Variants in APAF1 observed in about 807,000 individuals in gnomAD.
APAF1 encodes the protein apoptotic protease-activating factor 1.
A neutral mutation model predicts 152.4 loss-of-function variants in APAF1; 91 were observed. That is an observed-to-expected ratio of 0.60 (90% CI 0.50 to 0.71). The LOEUF is 0.71. Ranked by LOEUF, APAF1 falls within the 30% of genes least tolerant of loss-of-function variation. The pLI is 0.00. For synonymous variants in APAF1, 484 were observed against 494.1 expected, an observed-to-expected ratio of 0.98 and a Z score of 0.27; for missense variants, 1,283 against 1,472.0, an observed-to-expected ratio of 0.87 and a Z score of 2.10.
intron 24 of APAF1, among the ~76,000 whole-genome samples, chr12:98,724,038 GA>G (rs1436416640): frequency 6.6e-6 from 1 of 152,148 alleles, no homozygotes; most frequent in Non-Finnish European, 1.5e-5. Context: ...AAAAATCATT[GA>G]AAAGCATTTA....
intron 12 of APAF1, among the ~76,000 whole-genome samples, chr12:98,672,097 C>T (rs552120645): frequency 1.3e-5 from 2 of 152,284 alleles, no homozygotes; most frequent in South Asian, 2.1e-4. Flanking sequence ...AGGTTTTTCT[C>T]TCATATGTAA....
chr12:98,662,895 C>T (rs1377133409), intron 7 of APAF1, 89 bp downstream of exon 7: 1 of 1,334,154 alleles, frequency 7.5e-7, no homozygotes, highest in Non-Finnish European at 1.0e-6. Flanking sequence ...GGTAATTTAG[C>T]ACATGAACAT....
rs969905643 is a variant in APAF1, at chr12:98,677,311, T to A, written c.1794-114T>A. ...TGTTAGTAATCTGATTTTAAGAATTTTGTATTTTGGGGAACATAACCATGT... is the reference window on the plus strand; with the variant it reads ...TGTTAGTAATCTGATTTTAAGAATTATGTATTTTGGGGAACATAACCATGT... On this transcript the variant is annotated intron_variant, in intron 12 of 26. Transcript: ENST00000551964. 2.7e-6 allele frequency: 3 copies of A among 1,095,676 alleles called. No homozygotes were observed. The African/African-American group carries it at 4.8e-5, about 17-fold the overall frequency. The allele number at this position is 1,095,676 out of a possible 1,614,324, so 67.9% of individuals were successfully genotyped here.
chr12:98,691,266 G>T (rs1422468038), intron 16 of APAF1, among the ~76,000 whole-genome samples: 6 of 151,550 alleles, frequency 4.0e-5, no homozygotes, highest in Non-Finnish European at 5.9e-5. Context: ...TTCTTTTCCT[G>T]GCACCTTGTT....
rs141328519 is a variant in APAF1 at position 98,710,634 on chromosome 12, C to T, written c.2842-1685C>T. Among the ~76,000 whole-genome samples the T allele has an allele frequency of 3.9e-3, 593 of 152,162 alleles. 3 individuals carry two copies. Among genetic ancestry groups the T allele is most frequent in the Middle Eastern group, 0.01 (3 of 294 alleles). Reference sequence around the variant, plus strand: ...TGGGGGCATCTCACTATGTTGACCACGCTGGTCTTGAACTCCTGGCCTCAA... The same window carrying T: ...TGGGGGCATCTCACTATGTTGACCATGCTGGTCTTGAACTCCTGGCCTCAA... On this transcript the variant is annotated intron_variant, in intron 20 of 26. Transcript: ENST00000551964.
At chr12:98,723,076 TTA>T in intron 22 of APAF1, 115 bp from the exon 23 acceptor site, 1 of 1,058,760 alleles carries the variant, frequency 9.4e-7, no homozygotes, top group Non-Finnish European at 1.5e-6. Flanking sequence ...CCTCTCTGTT[TTA>T]CTGAAATGCC....
chr12:98,693,583 G>A (rs894458109), intron 16 of APAF1, among the ~76,000 whole-genome samples: 3 of 151,890 alleles, frequency 2.0e-5, no homozygotes, highest in African/African-American at 7.3e-5. Context: ...ACTCTCTCTT[G>A]TTAATTTGCT....
At chr12:98,721,763 G>C (rs1237112795) in intron 22 of APAF1, among the ~76,000 whole-genome samples, 2 of 152,170 alleles carry the variant, frequency 1.3e-5, no homozygotes, top group Admixed American at 1.3e-4. Flanking sequence ...GAAAGCCAGG[G>C]CTTGTTGGGG....
intron 20 of APAF1, 23 bp downstream of exon 20, chr12:98,708,727 T>C (rs761053474): frequency 1.2e-5 from 20 of 1,609,380 alleles, no homozygotes; most frequent in Admixed American, 5.0e-5. Flanking sequence ...TAGAAAACAA[T>C]TGGAAAATTG....
At chr12:98,665,489 G>A in intron 7 of APAF1, 64 bp from the exon 8 acceptor site, 1 of 1,113,198 alleles carries the variant, frequency 9.0e-7, no homozygotes, top group Non-Finnish European at 1.4e-6. Context: ...AAGTAAGTAA[G>A]TCGATTCTTA....
intron 22 of APAF1, 78 bp downstream of exon 22, chr12:98,715,630 G>T (rs942174044): frequency 3.9e-6 from 6 of 1,538,856 alleles, no homozygotes; most frequent in Non-Finnish European, 5.4e-6. Flanking sequence ...CTAAAATCTG[G>T]TGTATATTTT....
At chr12:98,655,138 G>T (rs2153309967) in intron 4 of APAF1, among the ~76,000 whole-genome samples, 1 of 109,078 alleles carries the variant, frequency 9.2e-6, no homozygotes, top group South Asian at 3.5e-4. Context: ...GAGAGCACAG[G>T]GTTGGGGGTA....
At chr12:98,722,805 G>C (rs1409928192) in intron 22 of APAF1, among the ~76,000 whole-genome samples, 1 of 152,142 alleles carries the variant, frequency 6.6e-6, no homozygotes, top group Non-Finnish European at 1.5e-5. Flanking sequence ...AGGATCTGTA[G>C]ACTTCCCCAG....
chr12:98,673,743 A>C (rs1193828395), intron 12 of APAF1, among the ~76,000 whole-genome samples: 3 of 152,234 alleles, frequency 2.0e-5, no homozygotes, highest in African/African-American at 7.2e-5. Context: ...TACTGTGCTA[A>C]GCACTGTTAC....
chr12:98,690,597 T>C (rs1408763348), intron 16 of APAF1, among the ~76,000 whole-genome samples: 1 of 152,184 alleles, frequency 6.6e-6, no homozygotes, highest in East Asian at 1.9e-4. Context: ...TATTATTAGG[T>C]TGCCAAATGT....
At position 98,671,683 on chromosome 12, in the gene APAF1, A is replaced by G. The variant is rs2097680310; in HGVS notation, c.1757A>G (p.Gln586Arg). 1 of 1,614,002 alleles carries G rather than the reference A, an allele frequency of 6.2e-7. No homozygotes were observed. Among genetic ancestry groups the G allele is most frequent in the Non-Finnish European group, 8.5e-7 (1 of 1,180,022 alleles). The change falls in exon 12 of 27, where the codon CAG becomes CGG. Residue 586 changes from glutamine (Q) to arginine (R), a missense_variant. Physicochemically the swap from Gln to Arg is conservative, Grantham distance 43. Coordinates refer to ENST00000551964, the MANE Select transcript of APAF1 (RefSeq NM_181861.2). Reference protein sequence around the residue: ...VYQQAKLQAKQEVDNGMLYLE... With the variant: ...VYQQAKLQAKREVDNGMLYLE... ...CAGCAAGCTAAGCTGCAGGCCAAGC[A>G]GGAGGTCGATAATGGAATGCTTTAC...
At chr12:98,650,725 T>G (rs867353226) in intron 4 of APAF1, among the ~76,000 whole-genome samples, 4 of 152,116 alleles carry the variant, frequency 2.6e-5, no homozygotes, top group Middle Eastern at 3.2e-3. Context: ...GTTTTTCCCC[T>G]CTATCATTAC....
chr12:98,705,244 A>G lies in APAF1; in HGVS notation c.2596-1241A>G, dbSNP rs1018128320. 1.4e-4 allele frequency among the ~76,000 whole-genome samples: 22 copies of G among 152,330 alleles called. No homozygotes were observed. The East Asian group carries it at 4.1e-3, about 28-fold the overall frequency. On this transcript the variant is annotated intron_variant, in intron 18 of 26. Transcript: ENST00000551964. ...AATCTCCAGGAAACAATGAAAGAGTATCTTCCTTCTTGAAATGTAGGGACT... is the reference window on the plus strand; with the variant it reads ...AATCTCCAGGAAACAATGAAAGAGTGTCTTCCTTCTTGAAATGTAGGGACT...
intron 24 of APAF1, among the ~76,000 whole-genome samples, chr12:98,724,231 T>TA (rs2097747122): frequency 6.6e-6 from 1 of 152,228 alleles, no homozygotes; most frequent in South Asian, 2.1e-4. Flanking sequence ...GTCAGGGCTG[T>TA]ATCCTGTCTT....
Sources: allele counts gnomAD v4.1 joint callset (sites outside exome capture counted in the v4.1 genomes callset), GRCh38; gene constraint gnomAD v4.1.1; transcripts MANE v1.5; gene names NCBI Gene and HGNC (gene_info 2026-07-23, HGNC 2026-07-21).